Variants in WDR97 observed in about 807,000 individuals in gnomAD.
WDR97 encodes the protein WD repeat domain 97, also known as WD repeat-containing protein 97.
Under a neutral mutation model 65.4 loss-of-function variants are expected in WDR97, and 111 were observed. The observed-to-expected ratio is 1.70, with a 90% CI of 1.45 to 1.99. WDR97 has a LOEUF of 1.99. WDR97 is among the 30% of genes most tolerant of loss of function. WDR97 has a pLI of 0.00. For missense variants in WDR97, 1,674 were observed against 865.0 expected, an observed-to-expected ratio of 1.94 and a Z score of -11.73; for synonymous variants, 802 against 397.7, an observed-to-expected ratio of 2.02 and a Z score of -12.10.
In WDR97 at chr8:144,108,300, C is replaced by T. The variant is rs1024252958; in HGVS notation, c.250-16C>T. ...CCCCAACCTTTGATTGCGGGCCCGC[C>T]CACCCCGGCCCACAGGAGAAGAGAG... On this transcript the variant is annotated splice_polypyrimidine_tract_variant and intron_variant, in intron 2 of 23. Coordinates refer to ENST00000323662, the MANE Select transcript of WDR97 (RefSeq NM_001316309.2). The T allele has an allele frequency of 4.3e-6, 3 of 691,326 alleles. No individual in the cohort carries two copies. The African/African-American group carries it at 5.3e-5, about 12-fold the overall frequency. The allele number at this position is 691,326 out of a possible 1,614,324, so 42.8% of individuals were successfully genotyped here.
Position 144,111,091 on chromosome 8 carries a change from C to T in WDR97, c.2305-10C>T. ...CCCAGCCAGGGATACAGGCTCCTTC[C>T]CCTATTCAGAAGATGTGCCGGAAGG... is the stretch of plus-strand genomic sequence containing the variant. On this transcript the variant is annotated splice_polypyrimidine_tract_variant and intron_variant, in intron 9 of 23. Transcript: ENST00000323662. The T allele has an allele frequency of 1.4e-6, 1 of 702,860 alleles. No homozygotes were observed. The highest frequency in any genetic ancestry group is 2.6e-6 in the Non-Finnish European group (1 of 385,014). 43.5% of individuals were successfully genotyped at this position (702,860 alleles called of 1,614,324 possible). A position where few individuals can be genotyped will look rare whatever the true frequency, so the allele number is the denominator to read the frequency against.
Position 144,113,684 on chromosome 8 carries a change from T to C in WDR97, c.3211T>C (p.Leu1071=), listed in dbSNP as rs1213737169. ...AGGGGCAAGCCAGGATGCCCTGTGGTTGTGGCGCCCCAGGCCATCCCAAAC... is the reference window on the plus strand; with the variant it reads ...AGGGGCAAGCCAGGATGCCCTGTGGCTGTGGCGCCCCAGGCCATCCCAAAC... ...EPGASQDALW[L]WRPRPSQTQW... Residue 1071 remains leucine, a synonymous_variant, in exon 17 of 24, where the codon TTG becomes CTG. Transcript: ENST00000323662. The C allele has an allele frequency of 6.0e-6, 4 of 666,900 alleles. No individual in the cohort carries two copies. The highest frequency in any genetic ancestry group is 1.1e-5 in the Non-Finnish European group (4 of 363,932). The allele number at this position is 666,900 out of a possible 1,614,324, so 41.3% of individuals were successfully genotyped here.
Position 144,110,220 on chromosome 8 carries a change from G to A in WDR97, c.1807G>A (p.Ala603Thr). ...TEAHSPGPVV[A>T]IASTWNSIVS... ...GGCGCACAGCCCGGGCCCGGTTGTC[G>A]CCATCGCATCCACCTGGAACAGCAT... The change falls in exon 6 of 24, where the codon GCC becomes ACC. Residue 603 changes from alanine to threonine, a missense_variant. Ala to Thr is a moderately conservative substitution (Grantham distance 58). Transcript: ENST00000323662. 1 of 702,922 alleles carries A rather than the reference G, an allele frequency of 1.4e-6. No homozygotes were observed. The highest frequency in any genetic ancestry group is 2.6e-6 in the Non-Finnish European group (1 of 384,952). The allele number at this position is 702,922 out of a possible 1,614,324, so 43.5% of individuals were successfully genotyped here. A position where few individuals can be genotyped will look rare whatever the true frequency, so the allele number is the denominator to read the frequency against.
chr8:144,112,170 C>T, intron 13 of WDR97, 26 bp downstream of exon 13: 1 of 701,008 alleles, frequency 1.4e-6, no homozygotes, highest in Non-Finnish European at 2.6e-6. Context: ...CTCCCACATG[C>T]CTGCTGGGCC....
At position 144,115,806 on chromosome 8, in the gene WDR97, T is replaced by C; in HGVS notation, c.4543T>C (p.Tyr1515His). 3 of 690,776 alleles carry C rather than the reference T, an allele frequency of 4.3e-6. No individual in the cohort carries two copies. The highest frequency in any genetic ancestry group is 5.3e-6 in the Non-Finnish European group (2 of 377,520). The allele number at this position is 690,776 out of a possible 1,614,324, so 42.8% of individuals were successfully genotyped here. A position where few individuals can be genotyped will look rare whatever the true frequency, so the allele number is the denominator to read the frequency against. The change falls in exon 22 of 24, where the codon TAC becomes CAC. Residue 1515 changes from tyrosine (Y) to histidine (H), a missense_variant. Tyr to His is a moderately conservative substitution (Grantham distance 83). Transcript: ENST00000323662. Reference sequence around the variant, plus strand: ...TGCGCACCCACACCCGCCAGAGCCCTACACGGTGGCGCCGGTGCCCGACAT... The same window carrying C: ...TGCGCACCCACACCCGCCAGAGCCCCACACGGTGGCGCCGGTGCCCGACAT... Reference protein sequence around the residue: ...KAAHPHPPEPYTVAPVPDMVV... With the variant: ...KAAHPHPPEPHTVAPVPDMVV...
At position 144,107,758 on chromosome 8, in the gene WDR97, C is replaced by G. The variant is rs190983697; in HGVS notation, c.8C>G (p.Ala3Gly). MEAEVWEAEGYNL... is the reference protein window; with the variant it reads MEGEVWEAEGYNL... ...GGGACCGCAGTTGCTGAAATGGAGG[C>G]AGAGGTGTGGGAGGCAGAAGGCTAC... The change falls in exon 1 of 24, where the codon GCA becomes GGA. Residue 3 changes from alanine (A) to glycine (G), a missense_variant. Coordinates refer to ENST00000323662, the MANE Select transcript of WDR97 (RefSeq NM_001316309.2). 5.2e-3 allele frequency: 3,654 copies of G among 702,786 alleles called. 48 individuals are homozygous for G. Among genetic ancestry groups the G allele is most frequent in the Middle Eastern group, 0.011 (48 of 4,370 alleles). 43.5% of individuals were successfully genotyped at this position (702,786 alleles called of 1,614,324 possible). A position where few individuals can be genotyped will look rare whatever the true frequency, so the allele number is the denominator to read the frequency against.
chr8:144,114,804 C>T lies in WDR97; in HGVS notation c.3970C>T (p.Leu1324=), dbSNP rs986065983. ...GGGCCTTCAGGACCCAGAGGGCTTCCTATTCAAGGAGATGATGACCTGGGT... is the reference window on the plus strand; with the variant it reads ...GGGCCTTCAGGACCCAGAGGGCTTCTTATTCAAGGAGATGATGACCTGGGT... The part of the protein sequence containing the change: ...GLGLQDPEGF[L]FKEMMTWVQG... The change falls in exon 21 of 24, where the codon CTA becomes TTA. Residue 1324 remains leucine, a synonymous_variant. Transcript: ENST00000323662. 3 of 702,574 alleles carry T rather than the reference C, an allele frequency of 4.3e-6. No homozygotes were observed. The African/African-American group carries it at 5.2e-5, about 12-fold the overall frequency. 43.5% of individuals were successfully genotyped at this position (702,574 alleles called of 1,614,324 possible).
chr8:144,114,191 G>T, intron 18 of WDR97, 29 bp downstream of exon 18: 1 of 700,600 alleles, frequency 1.4e-6, no homozygotes, highest in Non-Finnish European at 2.6e-6. Flanking sequence ...TGCATGAGAA[G>T]CATGGGTTAG....
chr8:144,108,785 A>T lies in WDR97; in HGVS notation c.719A>T (p.His240Leu). The T allele has an allele frequency of 1.4e-6, 1 of 702,126 alleles. No homozygotes were observed. The highest frequency in any genetic ancestry group is 2.6e-6 in the Non-Finnish European group (1 of 384,714). 43.5% of individuals were successfully genotyped at this position (702,126 alleles called of 1,614,324 possible). Residue 240 changes from histidine (H) to leucine (L), a missense_variant, in exon 3 of 24, where the codon CAC becomes CTC. Transcript: ENST00000323662. ...RRLVLRGSAL[H>L]PPPSPTGRLM... ...CTGGTGCTGCGAGGGTCAGCACTGCACCCGCCCCCGAGCCCAACAGGCAGG... is the reference window on the plus strand; with the variant it reads ...CTGGTGCTGCGAGGGTCAGCACTGCTCCCGCCCCCGAGCCCAACAGGCAGG...
rs1427249257 is a variant in WDR97, at chr8:144,117,652, G to A, written c.*1359G>A. On this transcript the variant is annotated 3_prime_UTR_variant, in exon 24 of 24. Transcript: ENST00000323662. ...TTTTTTGAGATGGAGTTTCAGTCTTGTTGCCCAGGCTGGAGTGCAATGGCG... is the reference window on the plus strand; with the variant it reads ...TTTTTTGAGATGGAGTTTCAGTCTTATTGCCCAGGCTGGAGTGCAATGGCG... The A allele has an allele frequency of 2.0e-5, 3 of 149,950 alleles. No individual in the cohort carries two copies. The highest frequency in any genetic ancestry group is 5.0e-5 in the African/African-American group (2 of 40,180). 9.3% of individuals were successfully genotyped at this position (149,950 alleles called of 1,614,324 possible). A position where few individuals can be genotyped will look rare whatever the true frequency, so the allele number is the denominator to read the frequency against.
rs1836470332 is a variant in WDR97 at position 144,108,733 on chromosome 8, T to C, written c.667T>C (p.Trp223Arg). Residue 223 changes from tryptophan to arginine, a missense_variant, in exon 3 of 24, where the codon TGG becomes CGG. Physicochemically the swap from Trp to Arg is moderately radical, Grantham distance 101. Coordinates refer to ENST00000323662, the MANE Select transcript of WDR97 (RefSeq NM_001316309.2). ...VAEMNSSLAL[W>R]QFRSGGRRLV... ...GGAGATGAACAGCAGCCTGGCGCTCTGGCAGTTCCGTTCAGGTGGTCGCCG... is the reference window on the plus strand; with the variant it reads ...GGAGATGAACAGCAGCCTGGCGCTCCGGCAGTTCCGTTCAGGTGGTCGCCG... The C allele has an allele frequency of 4.3e-6, 3 of 701,184 alleles. No individual in the cohort carries two copies. The South Asian group carries it at 4.4e-5, about 10-fold the overall frequency. 43.4% of individuals were successfully genotyped at this position (701,184 alleles called of 1,614,324 possible). A position where few individuals can be genotyped will look rare whatever the true frequency, so the allele number is the denominator to read the frequency against.
rs765928896 is a variant in WDR97 at position 144,109,956 on chromosome 8, C to T, written c.1622C>T (p.Ser541Phe). The T allele has an allele frequency of 5.7e-6, 4 of 701,512 alleles. No individual in the cohort carries two copies. The highest frequency in any genetic ancestry group is 3.0e-5 in the South Asian group (2 of 67,568). 43.5% of individuals were successfully genotyped at this position (701,512 alleles called of 1,614,324 possible). A position where few individuals can be genotyped will look rare whatever the true frequency, so the allele number is the denominator to read the frequency against. ...SHLTDLEGAF[S>F]SWEIVRQHWG... Reference sequence around the variant, plus strand: ...CTCACGGATCTCGAAGGCGCCTTCTCCTCCTGGGAGATCGTGCGCCAGCAC... The same window carrying T: ...CTCACGGATCTCGAAGGCGCCTTCTTCTCCTGGGAGATCGTGCGCCAGCAC... Residue 541 changes from serine to phenylalanine, a missense_variant, in exon 5 of 24, where the codon TCC (serine) becomes TTC (phenylalanine). Coordinates refer to ENST00000323662, the MANE Select transcript of WDR97 (RefSeq NM_001316309.2).
At chr8:144,110,287 G>A (rs765603414) in intron 6 of WDR97, 31 bp downstream of exon 6, 80 of 701,760 alleles carry the variant, frequency 1.1e-4, no homozygotes, top group Non-Finnish European at 1.5e-4. Flanking sequence ...AGGCCAGGCC[G>A]CCACAGAGCC....
At chr8:144,116,061 C>T (rs1420764565) in intron 23 of WDR97, 30 bp from the exon 24 acceptor site, 16 of 691,050 alleles carry the variant, frequency 2.3e-5, no homozygotes, top group Non-Finnish European at 4.2e-5. Context: ...CCCCAGCCCC[C>T]GGGCCTCATA....
intron 1 of WDR97, 98 bp from the exon 2 acceptor site, chr8:144,107,961 C>A: frequency 1.4e-6 from 1 of 701,244 alleles, no homozygotes; most frequent in Admixed American, 2.0e-5. Flanking sequence ...CCTGGGCAGT[C>A]CCTGGTAGGG....
chr8:144,114,576 T>C lies in WDR97; in HGVS notation c.3815T>C (p.Val1272Ala). The C allele has an allele frequency of 1.4e-6, 1 of 702,872 alleles. No individual in the cohort carries two copies. The highest frequency in any genetic ancestry group is 1.5e-5 in the South Asian group (1 of 67,596). The allele number at this position is 702,872 out of a possible 1,614,324, so 43.5% of individuals were successfully genotyped here. A position where few individuals can be genotyped will look rare whatever the true frequency, so the allele number is the denominator to read the frequency against. The change falls in exon 20 of 24, where the codon GTG (valine) becomes GCG (alanine). Residue 1272 changes from valine to alanine, a missense_variant. Physicochemically the swap from Val to Ala is moderately conservative, Grantham distance 64 (BLOSUM62 0). Transcript: ENST00000323662. ...CAGGACCAGACACAGAAGAAGTTCGTGATACTGGCGCTGCAGCTGCTCCTG... is the reference window on the plus strand; with the variant it reads ...CAGGACCAGACACAGAAGAAGTTCGCGATACTGGCGCTGCAGCTGCTCCTG... ...SLQDQTQKKF[V>A]ILALQLLLAC...
At position 144,115,388 on chromosome 8, in the gene WDR97, C is replaced by T. The variant is rs1175753083; in HGVS notation, c.4125C>T (p.Ala1375=). 4 of 627,720 alleles carry T rather than the reference C, an allele frequency of 6.4e-6. No homozygotes were observed. The highest frequency in any genetic ancestry group is 1.2e-5 in the Non-Finnish European group (4 of 346,526). The allele number at this position is 627,720 out of a possible 1,614,324, so 38.9% of individuals were successfully genotyped here. Residue 1375 remains alanine, a synonymous_variant, in exon 22 of 24, where the codon GCC becomes GCT. Coordinates refer to ENST00000323662, the MANE Select transcript of WDR97 (RefSeq NM_001316309.2). The part of the protein sequence containing the change: ...TSVVSGAPTR[A]SVIPSGTSWS... ...TGGTCTCTGGGGCACCCACACGCGC[C>T]TCCGTGATACCCTCGGGCACCTCCT...
In WDR97 at chr8:144,117,034, C is replaced by T. The variant is rs988839352; in HGVS notation, c.*741C>T. ...CTGAGCAGTGATTTCCCTCCTGTAT[C>T]TGTAGCCTCTGACTTTACTAGTTTC... On this transcript the variant is annotated 3_prime_UTR_variant, in exon 24 of 24. Coordinates refer to ENST00000323662, the MANE Select transcript of WDR97 (RefSeq NM_001316309.2). 1 of 152,336 alleles carries T rather than the reference C, an allele frequency of 6.6e-6. No homozygotes were observed. The highest frequency in any genetic ancestry group is 1.5e-5 in the Non-Finnish European group (1 of 68,106). 9.4% of individuals were successfully genotyped at this position (152,336 alleles called of 1,614,324 possible).
At chr8:144,112,167 A>G (rs1836564253) in intron 13 of WDR97, 23 bp downstream of exon 13, 2 of 700,336 alleles carry the variant, frequency 2.9e-6, no homozygotes, top group Non-Finnish European at 5.2e-6. Context: ...ACCCTCCCAC[A>G]TGCCTGCTGG....
Sources: allele counts gnomAD v4.1 joint callset, GRCh38; gene constraint gnomAD v4.1.1; transcripts MANE v1.5; gene names NCBI Gene and HGNC (gene_info 2026-07-23, HGNC 2026-07-21).